The following SORCS2 variants were observed in gnomAD, a reference collection of about 807,000 sequenced individuals.
SORCS2 encodes sortilin related VPS10 domain containing receptor 2, also known as VPS10 domain-containing receptor SorCS2.
Under a neutral mutation model 141.6 loss-of-function variants are expected in SORCS2, and 100 were observed. That is an observed-to-expected ratio of 0.71 (90% confidence interval 0.60 to 0.83). The LOEUF (loss-of-function observed/expected upper bound fraction) is 0.83. Ranked by LOEUF, SORCS2 falls within the 40% of genes least tolerant of loss-of-function variation. The pLI is 0.00. For missense variants in SORCS2, 1,646 were observed against 1,560.2 expected, an observed-to-expected ratio of 1.05 and a Z score of -0.93; for synonymous variants, 789 against 676.9, an observed-to-expected ratio of 1.17 and a Z score of -2.57.
chr4:7,694,563 G>A (rs139763708), intron 11 of SORCS2, among the ~76,000 whole-genome samples: 3 of 152,326 alleles, frequency 2.0e-5, no homozygotes, highest in African/African-American at 7.2e-5. Context: ...TGCTGACGCG[G>A]CAACACTCCC....
At chr4:7,248,332 A>C (rs1319510828) in intron 1 of SORCS2, among the ~76,000 whole-genome samples, 1 of 71,946 alleles carries the variant, frequency 1.4e-5, no homozygotes, top group South Asian at 4.7e-4. Flanking sequence ...TGTACAGGTC[A>C]CCGTGGGGGG....
chr4:7,703,166 CT>C, intron 12 of SORCS2, 113 bp from the exon 13 acceptor site: 3 of 817,264 alleles, frequency 3.7e-6, no homozygotes, highest in Non-Finnish European at 5.7e-6. Context: ...GCCTTGGCCT[CT>C]GCCAACAACC....
intron 2 of SORCS2, among the ~76,000 whole-genome samples, chr4:7,487,296 C>G (rs1377332105): frequency 6.6e-6 from 1 of 152,192 alleles, no homozygotes; most frequent in Non-Finnish European, 1.5e-5. Context: ...TGTTACATTC[C>G]CTTGGCCCAC....
chr4:7,699,995 GGT>G (rs1352097644), intron 12 of SORCS2, among the ~76,000 whole-genome samples: 4 of 152,192 alleles, frequency 2.6e-5, no homozygotes, highest in Non-Finnish European at 4.4e-5. Flanking sequence ...TCAAGCCTTA[GGT>G]GTCACACCGG....
At chr4:7,728,322 C>T (rs756985708) in intron 21 of SORCS2, 28 bp from the exon 22 acceptor site, 3 of 1,562,176 alleles carry the variant, frequency 1.9e-6, no homozygotes, top group South Asian at 1.1e-5. Flanking sequence ...CCAGAACTGA[C>T]CAGTCTCCCT....
At chr4:7,435,458 G>C (rs1346601338) in intron 2 of SORCS2, among the ~76,000 whole-genome samples, 1 of 152,274 alleles carries the variant, frequency 6.6e-6, no homozygotes, top group African/African-American at 2.4e-5. Context: ...GCCCCTGGCT[G>C]TGCTGTTTGG....
intron 1 of SORCS2, among the ~76,000 whole-genome samples, chr4:7,298,716 G>A (rs556342580): frequency 1.1e-4 from 16 of 152,340 alleles, no homozygotes; most frequent in Non-Finnish European, 1.8e-4. Context: ...AGTATAGGGA[G>A]CGGGGCTCAT....
intron 3 of SORCS2, among the ~76,000 whole-genome samples, chr4:7,537,180 T>C (rs1230316051): frequency 6.6e-6 from 1 of 152,214 alleles, no homozygotes; most frequent in African/African-American, 2.4e-5. Context: ...TGCTGAGCTG[T>C]GTAACTCTGG....
chr4:7,333,645 G>T (rs1482081776), intron 1 of SORCS2, among the ~76,000 whole-genome samples: 1 of 152,156 alleles, frequency 6.6e-6, no homozygotes. Context: ...GACTGCGTGT[G>T]CCATTGCTTC....
In SORCS2 at chr4:7,723,787, C is replaced by T. The variant is rs527314535; in HGVS notation, c.2515C>T (p.Arg839Trp). The T allele has an allele frequency of 6.1e-5, 98 of 1,613,882 alleles. No individual in the cohort carries two copies. The highest frequency in any genetic ancestry group is 2.3e-4 in the South Asian group (21 of 91,080). The change falls in exon 19 of 27, where the codon CGG becomes TGG. Residue 839 changes from arginine to tryptophan, a missense_variant. By Grantham distance (101) the Arg-to-Trp change is moderately radical. Transcript: ENST00000507866. ...VNLTLTGEPI[R>W]HRYESPGIYR... Reference sequence around the variant, plus strand: ...CCTTACACTGACCGGGGAGCCCATCCGGCACCGCTACGAGAGCCCCGGCAT... The same window carrying T: ...CCTTACACTGACCGGGGAGCCCATCTGGCACCGCTACGAGAGCCCCGGCAT...
intron 1 of SORCS2, among the ~76,000 whole-genome samples, chr4:7,355,762 G>A (rs1721215373): frequency 1.3e-5 from 2 of 152,240 alleles, no homozygotes; most frequent in South Asian, 2.1e-4. Context: ...ACGCCCTCTC[G>A]CTGTGAGCCC....
intron 11 of SORCS2, among the ~76,000 whole-genome samples, chr4:7,690,945 G>A (rs1724206876): frequency 6.6e-6 from 1 of 152,214 alleles, no homozygotes; most frequent in South Asian, 2.1e-4. Context: ...TGCTTTAGAA[G>A]AACCATTCAA....
At chr4:7,620,181 T>C (rs887598720) in intron 3 of SORCS2, among the ~76,000 whole-genome samples, 2 of 152,112 alleles carry the variant, frequency 1.3e-5, no homozygotes, top group African/African-American at 4.8e-5. Flanking sequence ...TGATACGGGA[T>C]TCTTACAGGT....
intron 14 of SORCS2, among the ~76,000 whole-genome samples, chr4:7,712,108 C>T (rs559659483): frequency 1.2e-4 from 18 of 152,314 alleles, no homozygotes; most frequent in African/African-American, 4.1e-4. Flanking sequence ...CCTCCCTATT[C>T]TGTCTTCCGC....
At chr4:7,486,694 T>C (rs774085163) in intron 2 of SORCS2, among the ~76,000 whole-genome samples, 1 of 152,148 alleles carries the variant, frequency 6.6e-6, no homozygotes, top group Non-Finnish European at 1.5e-5. Context: ...CCCTGGAGCC[T>C]CCAAAGGAGG....
At chr4:7,672,914 C>A (rs1171805799) in intron 8 of SORCS2, among the ~76,000 whole-genome samples, 1 of 152,190 alleles carries the variant, frequency 6.6e-6, no homozygotes, top group South Asian at 2.1e-4. Flanking sequence ...TTCTGTTACT[C>A]ACAAGCAAAC....
intron 1 of SORCS2, among the ~76,000 whole-genome samples, chr4:7,339,227 A>T (rs1281553827): frequency 6.6e-6 from 1 of 152,194 alleles, no homozygotes; most frequent in African/African-American, 2.4e-5. Context: ...TTGGGTAGGA[A>T]CCAAGGCTTT....
Position 7,704,193 on chromosome 4 carries a change from G to A in SORCS2, c.1777G>A (p.Gly593Ser). The A allele has an allele frequency of 6.2e-7, 1 of 1,612,532 alleles. No individual in the cohort carries two copies. The highest frequency in any genetic ancestry group is 8.5e-7 in the Non-Finnish European group (1 of 1,179,478). The part of the protein sequence containing the change: ...LKILKFSVDE[G>S]LTWSTHNFTS... The stretch of plus-strand genomic sequence containing the variant: ...TCCTGGCAGGTTCAGTGTGGACGAG[G>A]GCCTCACCTGGAGCACGCACAACTT... The change falls in exon 14 of 27, where the codon GGC (glycine) becomes AGC (serine). Residue 593 changes from glycine to serine, a missense_variant. By Grantham distance (56) the Gly-to-Ser change is moderately conservative. Coordinates refer to ENST00000507866, the MANE Select transcript of SORCS2 (RefSeq NM_020777.3).
rs747068077 is a variant in SORCS2, at chr4:7,433,869, G to A, written c.548+37514G>A. The stretch of plus-strand genomic sequence containing the variant: ...AGGGGCTGTAGGTGTCCACCAAGAT[G>A]ATGCACTCCTTCGTGATAGAGGCAG... On this transcript the variant is annotated intron_variant, in intron 2 of 26. Coordinates refer to ENST00000507866, the MANE Select transcript of SORCS2 (RefSeq NM_020777.3). The A allele has an allele frequency of 6.2e-6, 10 of 1,613,794 alleles. No individual in the cohort carries two copies. The East Asian group carries it at 2.0e-4, about 32-fold the overall frequency.
Sources: allele counts gnomAD v4.1 joint callset (sites outside exome capture counted in the v4.1 genomes callset), GRCh38; gene constraint gnomAD v4.1.1; transcripts MANE v1.5; gene names NCBI Gene and HGNC (gene_info 2026-07-23, HGNC 2026-07-21).